Variants in CKAP5 observed in about 807,000 individuals in gnomAD.
CKAP5 encodes cytoskeleton associated protein 5, also known as cytoskeleton-associated protein 5.
Under a neutral mutation model 232.8 loss-of-function variants are expected in CKAP5, and 27 were observed. The observed-to-expected ratio is 0.12, with a 90% CI of 0.09 to 0.16. The LOEUF (loss-of-function observed/expected upper bound fraction) is 0.16. CKAP5 is among the 10% of genes least tolerant of loss of function. The pLI, the probability that CKAP5 is intolerant of heterozygous loss-of-function variation, is 1.00. For synonymous variants in CKAP5, 785 were observed against 841.1 expected (o/e 0.93, Z 1.16); for missense variants, 1,838 against 2,424.7 (o/e 0.76, Z 5.08).
intron 15 of CKAP5, 126 bp from the exon 16 acceptor site, chr11:46,788,899 T>C (rs1046671661): frequency 1.0e-5 from 7 of 668,920 alleles, no homozygotes; most frequent in Middle Eastern, 2.5e-4. Context: ...AGGAGGGTTA[T>C]TGAGGGAGCT....
Position 46,777,499 on chromosome 11 carries a change from A to G in CKAP5, c.2802T>C (p.Asn934=). The G allele has an allele frequency of 6.2e-7, 1 of 1,613,906 alleles. No individual in the cohort carries two copies. Among genetic ancestry groups the G allele is most frequent in the South Asian group, 1.1e-5 (1 of 91,078 alleles). The part of the protein sequence containing the change: ...LQQLAVAMGP[N]IKQHVKNLGI... ...CTAAATTTTTTACATGTTGCTTAAT[A>G]TTTGGGCCCATGGCTACTGCCAGTT... is the stretch of plus-strand genomic sequence containing the variant. The change falls in exon 23 of 44, where the codon AAT becomes AAC. Residue 934 remains asparagine, a synonymous_variant. Coordinates refer to ENST00000529230, the MANE Select transcript of CKAP5 (RefSeq NM_001008938.4).
At chr11:46,829,335 AAAGTC>A (rs1234169657) in intron 1 of CKAP5, among the ~76,000 whole-genome samples, 2 of 152,216 alleles carry the variant, frequency 1.3e-5, no homozygotes, top group Non-Finnish European at 2.9e-5. Flanking sequence ...ACTGGGCAAT[AAAGTC>A]TTACTTTACT....
chr11:46,790,730 C>A (rs1414726673), intron 13 of CKAP5, 147 bp from the exon 14 acceptor site: 20 of 608,300 alleles, frequency 3.3e-5, no homozygotes, highest in Admixed American at 5.9e-5. Context: ...ACAGGTTCAA[C>A]CTCCTGGGCT....
In CKAP5 at chr11:46,811,144, T is replaced by C. The variant is rs138369363; in HGVS notation, c.493A>G (p.Ile165Val). 2.2e-5 allele frequency: 36 copies of C among 1,613,718 alleles called. No homozygotes were observed. Among genetic ancestry groups the C allele is most frequent in the Admixed American group, 1.2e-4 (7 of 59,946 alleles). The change falls in exon 5 of 44, where the codon ATT becomes GTT. Residue 165 changes from isoleucine (I) to valine (V), a missense_variant. Ile to Val is a conservative substitution (Grantham distance 29). Around this residue, in one of 6 missense-constraint regions of CKAP5, gnomAD observed 285 missense variants for 300.0 expected, o/e 0.95. Coordinates refer to ENST00000529230, the MANE Select transcript of CKAP5 (RefSeq NM_001008938.4). ...FGSKIILLKP[I>V]IKVLPKLFES... Reference sequence around the variant, plus strand: ...AAGAGTTTTGGCAACACTTTGATAATTGGCTTAAGCAAGATGATTTTGGAA... The same window carrying C: ...AAGAGTTTTGGCAACACTTTGATAACTGGCTTAAGCAAGATGATTTTGGAA...
At chr11:46,832,987 A>G (rs1198736115) in intron 1 of CKAP5, among the ~76,000 whole-genome samples, 1 of 151,916 alleles carries the variant, frequency 6.6e-6, no homozygotes, top group Non-Finnish European at 1.5e-5. Flanking sequence ...TCCCACAAAT[A>G]TTCACATTAT....
At chr11:46,819,482 G>A (rs1287284657) in intron 2 of CKAP5, among the ~76,000 whole-genome samples, 3 of 152,188 alleles carry the variant, frequency 2.0e-5, no homozygotes, top group Non-Finnish European at 4.4e-5. Context: ...GCAGTTAAAT[G>A]AGAAGTTAGT....
At chr11:46,761,085 C>T (rs973551019) in intron 32 of CKAP5, among the ~76,000 whole-genome samples, 3 of 151,840 alleles carry the variant, frequency 2.0e-5, no homozygotes, top group African/African-American at 7.3e-5. Flanking sequence ...CCCATCTATA[C>T]ATAAAGTATA....
At chr11:46,791,299 GAGTGCAGTGGCCTGATCACGGCTCA>G (rs1938714927) in intron 13 of CKAP5, among the ~76,000 whole-genome samples, 1 of 151,108 alleles carries the variant, frequency 6.6e-6, no homozygotes, top group East Asian at 2.0e-4. Context: ...ATCCAGACTG[GAGTGCAGTGGCCTGATCACGGCTCA>G]CTATAGCCTT....
Position 46,750,482 on chromosome 11 carries a change from T to C in CKAP5, c.5544+46A>G, listed in dbSNP as rs764615774. 3.1e-6 allele frequency: 5 copies of C among 1,612,514 alleles called. No homozygotes were observed. The South Asian group carries it at 5.5e-5, about 18-fold the overall frequency. ...GGTGGGGATGAATGTTAGTGTCCCTTTACCATAAAGCAGACCCCTATTCTG... is the reference window on the plus strand; with the variant it reads ...GGTGGGGATGAATGTTAGTGTCCCTCTACCATAAAGCAGACCCCTATTCTG... On this transcript the variant is annotated intron_variant, in intron 41 of 43. Transcript: ENST00000529230.
At chr11:46,783,503 G>C (rs761715097) in intron 17 of CKAP5, 135 bp from the exon 18 acceptor site, 8 of 576,982 alleles carry the variant, frequency 1.4e-5, no homozygotes, top group Admixed American at 3.1e-5. Flanking sequence ...AGGAACAAGA[G>C]TGAACCTACA....
At chr11:46,760,932 T>C in intron 32 of CKAP5, 148 bp from the exon 33 acceptor site, 1 of 689,960 alleles carries the variant, frequency 1.4e-6, no homozygotes, top group Non-Finnish European at 2.4e-6. Context: ...CCTGCCTAGC[T>C]GCTATAGGAA....
rs752059652 is a variant in CKAP5 at position 46,759,256 on chromosome 11, G to A, written c.4568+13C>T. On this transcript the variant is annotated intron_variant, in intron 34 of 43. Coordinates refer to ENST00000529230, the MANE Select transcript of CKAP5 (RefSeq NM_001008938.4). ...ATGAACTGCTCATATTTAAATGAAA[G>A]AGTTTAACTCACTTGGGTTCAGGAA... 5.0e-6 allele frequency: 8 copies of A among 1,607,638 alleles called. No individual in the cohort carries two copies. The African/African-American group carries it at 1.1e-4, about 22-fold the overall frequency.
intron 20 of CKAP5, among the ~76,000 whole-genome samples, chr11:46,778,804 G>T (rs909652411): frequency 6.6e-6 from 1 of 152,226 alleles, no homozygotes; most frequent in Non-Finnish European, 1.5e-5. Context: ...GCAGGGTGTG[G>T]TGGCTCACAC....
chr11:46,784,691 T>G lies in CKAP5; in HGVS notation c.1969-18A>C. The stretch of plus-strand genomic sequence containing the variant: ...TGCATCACCTGAACAAGGATCAGTA[T>G]CATAAAGCTAAGAGCAAGCCAAGGA... On this transcript the variant is annotated intron_variant, in intron 16 of 43. Transcript: ENST00000529230. 6.2e-7 allele frequency: 1 copy of G among 1,601,672 alleles called. No homozygotes were observed. The highest frequency in any genetic ancestry group is 8.5e-7 in the Non-Finnish European group (1 of 1,170,576).
chr11:46,746,086 G>A (rs2065019859), intron 42 of CKAP5, among the ~76,000 whole-genome samples: 1 of 152,214 alleles, frequency 6.6e-6, no homozygotes, highest in Admixed American at 6.5e-5. Context: ...TACAGGCTGA[G>A]AGTGGATATG....
At position 46,801,278 on chromosome 11, in the gene CKAP5, C is replaced by A; in HGVS notation, c.1005G>T (p.Met335Ile). The stretch of plus-strand genomic sequence containing the variant: ...GACATTTTGCTGCCAAAGCCACCAA[C>A]ATGACATTGGTGTCCTTTCCAACAA... ...KKVVGKDTNV[M>I]LVALAAKCLT... Residue 335 changes from methionine to isoleucine, a missense_variant, in exon 9 of 44, where the codon ATG becomes ATT. Physicochemically the swap from Met to Ile is conservative, Grantham distance 10. Transcript: ENST00000529230. 6.2e-7 allele frequency: 1 copy of A among 1,613,616 alleles called. No individual in the cohort carries two copies. The highest frequency in any genetic ancestry group is 8.5e-7 in the Non-Finnish European group (1 of 1,179,576).
chr11:46,835,825 T>C (rs371256922), intron 1 of CKAP5, among the ~76,000 whole-genome samples: 3 of 152,162 alleles, frequency 2.0e-5, no homozygotes, highest in South Asian at 2.1e-4. Context: ...AGAATAGCTA[T>C]AGAAAGGGAA....
intron 38 of CKAP5, 43 bp downstream of exon 38, chr11:46,752,592 T>A (rs373529024): frequency 6.7e-7 from 1 of 1,482,798 alleles, no homozygotes; most frequent in African/African-American, 1.4e-5. Flanking sequence ...AACAAAGTGA[T>A]TGCATCTTTG....
intron 24 of CKAP5, among the ~76,000 whole-genome samples, chr11:46,775,916 T>C (rs1300662436): frequency 6.6e-6 from 1 of 152,092 alleles, no homozygotes; most frequent in Non-Finnish European, 1.5e-5. Flanking sequence ...GGCACATGTA[T>C]ACCCATGTAA....
Sources: allele counts gnomAD v4.1 joint callset (sites outside exome capture counted in the v4.1 genomes callset), GRCh38; gene constraint gnomAD v4.1.1; regional missense constraint gnomAD v4.1.1; transcripts MANE v1.5; gene names NCBI Gene and HGNC (gene_info 2026-07-23, HGNC 2026-07-21).